MB21D2: variants seen among roughly 807,000 people sequenced by gnomAD.
MB21D2 encodes Mab-21 domain containing 2, also known as nucleotidyltransferase MB21D2.
In MB21D2, 9 loss-of-function variants were observed where a neutral mutation model predicts 33.3. That is an observed-to-expected ratio of 0.27 (90% CI 0.16 to 0.47). The LOEUF is 0.47. Ranked by LOEUF, MB21D2 falls within the 20% of genes least tolerant of loss-of-function variation. The probability of loss-of-function intolerance (pLI) is 0.99; values close to 1 mark genes in which losing one functional copy is unlikely to be tolerated. For missense variants in MB21D2, 540 were observed against 624.6 expected (o/e 0.86, Z 1.44); for synonymous variants, 241 against 236.3 (o/e 1.02, Z -0.18).
intron 1 of MB21D2, among the ~76,000 whole-genome samples, chr3:192,885,001 TTA>T (rs1452716395): frequency 6.6e-6 from 1 of 152,026 alleles, no homozygotes; most frequent in South Asian, 2.1e-4. Flanking sequence ...TAAAAGATAA[TTA>T]TATATGTTTC....
intron 1 of MB21D2, among the ~76,000 whole-genome samples, chr3:192,806,811 T>C (rs1023636997): frequency 6.6e-6 from 1 of 152,188 alleles, no homozygotes; most frequent in Non-Finnish European, 1.5e-5. Context: ...TCTTAAAAAT[T>C]AAAACTGAAG....
intron 1 of MB21D2, among the ~76,000 whole-genome samples, chr3:192,828,939 G>A (rs981705451): frequency 5.9e-5 from 9 of 151,408 alleles, no homozygotes; most frequent in Non-Finnish European, 1.3e-4. Context: ...ATAAGCCAAC[G>A]TGCCCGGCCA....
At position 192,798,424 on chromosome 3, in the gene MB21D2, T is replaced by C; in HGVS notation, c.1438A>G (p.Thr480Ala). ...TCATCAATTCTGAAATGGGGCCTTGTGACATCGTCAGGATTGATAAAGACA... is the reference window on the plus strand; with the variant it reads ...TCATCAATTCTGAAATGGGGCCTTGCGACATCGTCAGGATTGATAAAGACA... ...ISVFINPDDV[T>A]RPHFRIDDKF... Residue 480 changes from threonine (T) to alanine (A), a missense_variant, in exon 2 of 2, where the codon ACA becomes GCA. Physicochemically the swap from Thr to Ala is moderately conservative, Grantham distance 58. Coordinates refer to ENST00000392452, the MANE Select transcript of MB21D2 (RefSeq NM_178496.4). The surrounding 1 kb of genome is among the most constrained non-coding windows in gnomAD (Gnocchi z 4.8). 6.2e-7 allele frequency: 1 copy of C among 1,614,234 alleles called. No homozygotes were observed. The highest frequency in any genetic ancestry group is 8.5e-7 in the Non-Finnish European group (1 of 1,180,044).
At chr3:192,896,725 AAAAT>A (rs967266358) in intron 1 of MB21D2, among the ~76,000 whole-genome samples, 1 of 152,214 alleles carries the variant, frequency 6.6e-6, no homozygotes, top group African/African-American at 2.4e-5. Flanking sequence ...TAGCAACACC[AAAAT>A]AATTACCATC....
At chr3:192,917,488 G>C in intron 1 of MB21D2, 142 bp downstream of exon 1, 1 of 745,358 alleles carries the variant, frequency 1.3e-6, no homozygotes, top group Non-Finnish European at 2.2e-6. Flanking sequence ...GAGAGAGGCG[G>C]AACAGAGATG....
chr3:192,886,991 G>GAA (rs11395740), intron 1 of MB21D2, among the ~76,000 whole-genome samples: 12 of 144,686 alleles, frequency 8.3e-5, no homozygotes, highest in African/African-American at 2.5e-4. Flanking sequence ...TTAAGGAAAG[G>GAA]AAAAAAAAAA....
chr3:192,829,164 G>A (rs11924083), intron 1 of MB21D2, among the ~76,000 whole-genome samples: 93,321 of 152,016 alleles, frequency 0.61, 30,459 homozygotes, highest in African/African-American at 0.83. Flanking sequence ...GACACAGTAC[G>A]TAGCCTTTTA....
At position 192,916,098 on chromosome 3, in the gene MB21D2, T is replaced by A. The variant is rs946283743; in HGVS notation, c.211+1532A>T. ...TGTGGAAGCTCACTCCTACCAGGTT[T>A]TATATATATATATATATATATATTT... On this transcript the variant is annotated intron_variant, in intron 1 of 1. Transcript: ENST00000392452. 6.9e-4 allele frequency among the ~76,000 whole-genome samples: 96 copies of A among 139,176 alleles called. 1 individual carries two copies. The East Asian group carries it at 7.6e-3, about 11-fold the overall frequency. 91.3% of individuals were successfully genotyped at this position (139,176 alleles called of 152,430 possible).
intron 1 of MB21D2, among the ~76,000 whole-genome samples, chr3:192,804,675 A>G (rs12634154): frequency 0.6 from 91,343 of 152,012 alleles, 29,099 homozygotes; most frequent in African/African-American, 0.82. Flanking sequence ...GCCTTATTCC[A>G]GCAGTGGGTT....
At chr3:192,865,924 A>T (rs1156271397) in intron 1 of MB21D2, among the ~76,000 whole-genome samples, 1 of 152,116 alleles carries the variant, frequency 6.6e-6, no homozygotes, top group Non-Finnish European at 1.5e-5. Context: ...TTATGCCTGT[A>T]GTACCAGCCA....
chr3:192,855,993 G>A (rs1014124989), intron 1 of MB21D2, among the ~76,000 whole-genome samples: 3 of 152,202 alleles, frequency 2.0e-5, no homozygotes, highest in Admixed American at 2.0e-4. Context: ...TGAGGCAAAG[G>A]TTGCAGTGAG....
At chr3:192,880,457 A>G (rs560246384) in intron 1 of MB21D2, among the ~76,000 whole-genome samples, 1 of 152,220 alleles carries the variant, frequency 6.6e-6, no homozygotes, top group African/African-American at 2.4e-5. Flanking sequence ...CTATCCTTTT[A>G]AAGGAAGGAG....
chr3:192,908,544 G>T (rs1296470846), intron 1 of MB21D2, among the ~76,000 whole-genome samples: 1 of 151,718 alleles, frequency 6.6e-6, no homozygotes, highest in African/African-American at 2.4e-5. Flanking sequence ...GACTACAGCA[G>T]CTGGGATGAC....
intron 1 of MB21D2, among the ~76,000 whole-genome samples, chr3:192,822,508 G>A (rs1712082444): frequency 6.6e-6 from 1 of 152,102 alleles, no homozygotes; most frequent in Admixed American, 6.5e-5. Context: ...GCAAATCACT[G>A]GCATTGTAAA....
At chr3:192,845,680 A>G (rs1451658151) in intron 1 of MB21D2, among the ~76,000 whole-genome samples, 4 of 152,232 alleles carry the variant, frequency 2.6e-5, no homozygotes, top group African/African-American at 7.2e-5. Flanking sequence ...GAAATGTCAA[A>G]TATCACTCTG....
chr3:192,878,192 C>A (rs904351937), intron 1 of MB21D2, among the ~76,000 whole-genome samples: 1 of 147,536 alleles, frequency 6.8e-6, no homozygotes, highest in African/African-American at 2.6e-5. Flanking sequence ...CTCCGCCTCG[C>A]GGGTTCACGC....
chr3:192,832,134 G>C (rs996939904), intron 1 of MB21D2, among the ~76,000 whole-genome samples: 3 of 152,218 alleles, frequency 2.0e-5, no homozygotes, highest in Non-Finnish European at 4.4e-5. Flanking sequence ...CCCTTGCCTA[G>C]AGACTCTGAT....
chr3:192,800,137 G>T (rs542857485), intron 1 of MB21D2, among the ~76,000 whole-genome samples: 5 of 152,144 alleles, frequency 3.3e-5, no homozygotes, highest in African/African-American at 1.2e-4. Context: ...CTTTCCCCAG[G>T]CTCTTTGCGC....
At chr3:192,844,334 T>C (rs577400470) in intron 1 of MB21D2, among the ~76,000 whole-genome samples, 1 of 152,220 alleles carries the variant, frequency 6.6e-6, no homozygotes, top group Non-Finnish European at 1.5e-5. Flanking sequence ...TTGGTGCTCA[T>C]GTGAATTAAA....
Sources: gnomAD v4.1 joint callset for allele counts (sites outside exome capture counted in the v4.1 genomes callset) on GRCh38, gnomAD v4.1.1 for gene constraint, Gnocchi (gnomAD v3.1) non-coding constraint, MANE v1.5 for transcripts, NCBI Gene and HGNC (gene_info 2026-07-23, HGNC 2026-07-21) for gene names.